Variants in ARHGEF10L observed in about 807,000 individuals in gnomAD.
ARHGEF10L encodes rho guanine nucleotide exchange factor 10-like protein.
Under a neutral mutation model 141.2 loss-of-function variants are expected in ARHGEF10L, and 69 were observed. That is an observed-to-expected ratio of 0.49 (90% CI 0.40 to 0.60). The LOEUF (loss-of-function observed/expected upper bound fraction) is 0.60, where lower values mean the gene tolerates loss of function less well. Ranked by LOEUF, ARHGEF10L falls within the 20% of genes least tolerant of loss-of-function variation. The pLI is 0.00. For synonymous variants in ARHGEF10L, 711 were observed against 718.5 expected (o/e 0.99, Z 0.17); for missense variants, 1,482 against 1,734.3 (o/e 0.85, Z 2.58).
rs1026725912 is a variant in ARHGEF10L at position 17,656,764 on chromosome 1, C to T, written c.2860+56C>T. On this transcript the variant is annotated intron_variant, in intron 25 of 28. Transcript: ENST00000361221. The surrounding 1 kb of genome is among the most constrained non-coding windows in gnomAD (Gnocchi z 4.9). ...GCAGTCCTGGATGCCAGCTGGGTGC[C>T]AGATTCTCTACCAAGAGAGGATACA... 2 of 1,566,284 alleles carry T rather than the reference C, an allele frequency of 1.3e-6. No homozygotes were observed. The highest frequency in any genetic ancestry group is 3.5e-5 in the Admixed American group (2 of 57,676).
At chr1:17,672,482 C>T (rs919605921) in intron 26 of ARHGEF10L, among the ~76,000 whole-genome samples, 3 of 152,260 alleles carry the variant, frequency 2.0e-5, no homozygotes, top group Middle Eastern at 3.4e-3. Flanking sequence ...CGAGGAGGAG[C>T]GCCTGGTGTC....
In ARHGEF10L at chr1:17,590,876, ACT is replaced by A. The variant is rs373975674; in HGVS notation, c.257+2398_257+2399del. Reference sequence around the variant, plus strand: ...GTGAACGGTGCCTGTAATTCCAGCTACTGGGGAGGCTGAGGCAGGAGAATCGC... The same window carrying A: ...GTGAACGGTGCCTGTAATTCCAGCTAGGGGAGGCTGAGGCAGGAGAATCGC... On this transcript the variant is annotated intron_variant, in intron 4 of 28. Transcript: ENST00000361221. 1.9e-3 allele frequency among the ~76,000 whole-genome samples: 285 copies of A among 152,272 alleles called. 1 individual carries two copies. Among genetic ancestry groups the A allele is most frequent in the African/African-American group, 6.5e-3 (272 of 41,558 alleles).
chr1:17,616,244 G>C, intron 9 of ARHGEF10L, 42 bp downstream of exon 9: 3 of 1,150,078 alleles, frequency 2.6e-6, no homozygotes, highest in Non-Finnish European at 3.8e-6. Context: ...GCCCAGCTCT[G>C]ACTGGGGGTC....
At chr1:17,520,936 C>T in the ARHGEF10L span, among the ~76,000 whole-genome samples, 2 of 152,184 alleles carry the variant, frequency 1.3e-5, no homozygotes, top group East Asian at 3.8e-4. Flanking sequence ...TGGCTGACTC[C>T]CCGCCCAGGG....
chr1:17,620,959 A>G (rs1270812911), intron 10 of ARHGEF10L, among the ~76,000 whole-genome samples: 1 of 152,112 alleles, frequency 6.6e-6, no homozygotes, highest in Non-Finnish European at 1.5e-5. Context: ...AAAGATCCTC[A>G]GCTGAGGGAG....
intron 26 of ARHGEF10L, among the ~76,000 whole-genome samples, chr1:17,671,125 G>T (rs948961535): frequency 6.6e-6 from 1 of 152,258 alleles, no homozygotes; most frequent in Non-Finnish European, 1.5e-5. Context: ...CGGGCACGGC[G>T]CAGCCTCTCA....
chr1:17,696,774 GGA>G, intron 28 of ARHGEF10L, 72 bp from the exon 29 acceptor site: 1 of 1,436,774 alleles, frequency 7.0e-7, no homozygotes, highest in African/African-American at 1.4e-5. Context: ...ATGTTCTCCA[GGA>G]GAGAGACTCA....
chr1:17,520,007 A>G, the ARHGEF10L span, among the ~76,000 whole-genome samples: 1 of 152,134 alleles, frequency 6.6e-6, no homozygotes, highest in Non-Finnish European at 1.5e-5. Flanking sequence ...TGACCCTCCA[A>G]CCCTGCCCTG....
the ARHGEF10L span, among the ~76,000 whole-genome samples, chr1:17,522,838 T>C: frequency 2.6e-5 from 4 of 152,066 alleles, no homozygotes; most frequent in African/African-American, 9.7e-5. Context: ...CTTCCAGGAC[T>C]TCCTCTCCAG....
At chr1:17,540,340 G>T (rs573870079) in intron 1 of ARHGEF10L, among the ~76,000 whole-genome samples, 2 of 151,592 alleles carry the variant, frequency 1.3e-5, no homozygotes, top group African/African-American at 4.9e-5. Context: ...CCCTGGGATC[G>T]GGTGAAGTCA....
intron 7 of ARHGEF10L, among the ~76,000 whole-genome samples, chr1:17,609,935 G>A (rs2059456387): frequency 6.6e-6 from 1 of 152,168 alleles, no homozygotes; most frequent in Non-Finnish European, 1.5e-5. Context: ...CAGGACCCGT[G>A]CGTCCCAGCC....
At chr1:17,693,055 A>C (rs2065223857) in intron 27 of ARHGEF10L, among the ~76,000 whole-genome samples, 1 of 152,184 alleles carries the variant, frequency 6.6e-6, no homozygotes, top group East Asian at 1.9e-4. Flanking sequence ...GCCCTGTTTC[A>C]ATCCTCTGCC....
intron 26 of ARHGEF10L, among the ~76,000 whole-genome samples, chr1:17,670,484 G>C (rs1245431851): frequency 6.6e-6 from 1 of 152,230 alleles, no homozygotes; most frequent in African/African-American, 2.4e-5. Context: ...TTGCTGGAGG[G>C]GGAAGCTGGC....
intron 2 of ARHGEF10L, among the ~76,000 whole-genome samples, chr1:17,586,205 T>C (rs2079011077): frequency 6.6e-6 from 1 of 152,226 alleles, no homozygotes; most frequent in East Asian, 1.9e-4. Context: ...GCTCAGCTGA[T>C]GTTCATGTCA....
chr1:17,516,673 G>T, the ARHGEF10L span, among the ~76,000 whole-genome samples: 89,617 of 151,936 alleles, frequency 0.59, 27,590 homozygotes, highest in East Asian at 0.74. Flanking sequence ...CCTTGCCAGG[G>T]TTAAGGAAAG....
chr1:17,683,622 G>A (rs2064326372), intron 26 of ARHGEF10L, among the ~76,000 whole-genome samples: 1 of 111,974 alleles, frequency 8.9e-6, no homozygotes, highest in African/African-American at 3.1e-5. Context: ...ATGCCAGGCT[G>A]GGGCTGGGGC....
At chr1:17,620,318 C>T (rs2060039744) in intron 10 of ARHGEF10L, among the ~76,000 whole-genome samples, 1 of 152,096 alleles carries the variant, frequency 6.6e-6, no homozygotes, top group Non-Finnish European at 1.5e-5. Flanking sequence ...CTGTGTTTTG[C>T]CAGCCATGAA....
intron 1 of ARHGEF10L, among the ~76,000 whole-genome samples, chr1:17,569,033 T>G (rs1331693507): frequency 6.6e-6 from 1 of 152,230 alleles, no homozygotes; most frequent in East Asian, 1.9e-4. Context: ...CAGTCACAGC[T>G]GAAAGACCTT....
At chr1:17,572,997 C>T (rs1226151452) in intron 1 of ARHGEF10L, among the ~76,000 whole-genome samples, 4 of 152,110 alleles carry the variant, frequency 2.6e-5, no homozygotes, top group African/African-American at 9.7e-5. Context: ...TGTGTGTGCC[C>T]CCAAATCCTA....
Sources: gnomAD v4.1 joint callset for allele counts (sites outside exome capture counted in the v4.1 genomes callset) on GRCh38, gnomAD v4.1.1 for gene constraint, Gnocchi (gnomAD v3.1) non-coding constraint, MANE v1.5 for transcripts, NCBI Gene and HGNC (gene_info 2026-07-23, HGNC 2026-07-21) for gene names.